Variants in TENM4 observed in about 807,000 individuals in gnomAD.
TENM4 encodes the protein teneurin transmembrane protein 4.
A neutral mutation model predicts 243.3 loss-of-function variants in TENM4; 82 were observed. That is an observed-to-expected ratio of 0.34 (90% confidence interval 0.28 to 0.40). The LOEUF (loss-of-function observed/expected upper bound fraction) is 0.40, where lower values mean the gene tolerates loss of function less well. TENM4 is among the 10% of genes least tolerant of loss of function. The pLI, the probability that TENM4 is intolerant of heterozygous loss-of-function variation, is 1.00. For synonymous variants in TENM4, 1,412 were observed against 1,456.3 expected (o/e 0.97, Z 0.69); for missense variants, 3,138 against 3,673.3 (o/e 0.85, Z 3.77).
At chr11:78,702,452 C>G in intron 27 of TENM4, 49 bp from the exon 28 acceptor site, 1 of 1,572,110 alleles carries the variant, frequency 6.4e-7, no homozygotes, top group Non-Finnish European at 8.6e-7. Flanking sequence ...ATGCCCACCA[C>G]TAATCCATCC....
chr11:78,846,199 G>A (rs1468805557), intron 12 of TENM4, among the ~76,000 whole-genome samples: 1 of 152,184 alleles, frequency 6.6e-6, no homozygotes, highest in Non-Finnish European at 1.5e-5. Flanking sequence ...TTAGATCTCT[G>A]AGCCTCATTT....
intron 3 of TENM4, among the ~76,000 whole-genome samples, chr11:79,161,401 C>T (rs1291804907): frequency 6.6e-6 from 1 of 152,140 alleles, no homozygotes; most frequent in African/African-American, 2.4e-5. Flanking sequence ...TATTTGGAAA[C>T]ATGGTTTTGC....
intron 15 of TENM4, among the ~76,000 whole-genome samples, chr11:78,787,791 C>A (rs1247500616): frequency 6.6e-6 from 1 of 152,188 alleles, no homozygotes; most frequent in African/African-American, 2.4e-5. Flanking sequence ...GGAGGGGGGC[C>A]CTTCATAGCC....
At chr11:79,034,753 C>A (rs1268116002) in intron 6 of TENM4, among the ~76,000 whole-genome samples, 2 of 152,102 alleles carry the variant, frequency 1.3e-5, no homozygotes, top group African/African-American at 2.4e-5. Context: ...GGCTGTGGGA[C>A]TGGCATACGT....
rs1434277380 is a variant in TENM4, at chr11:78,932,951, G to A, written c.494-29428C>T. On this transcript the variant is annotated intron_variant, in intron 6 of 33. Coordinates refer to ENST00000278550, the MANE Select transcript of TENM4 (RefSeq NM_001098816.3). Reference sequence around the variant, plus strand: ...CGGTCCGGTACAGGTTCGCGGCCCAGGGTTGGGGACTCTTGCTTTACAGAA... The same window carrying A: ...CGGTCCGGTACAGGTTCGCGGCCCAAGGTTGGGGACTCTTGCTTTACAGAA... 2.6e-5 allele frequency among the ~76,000 whole-genome samples: 4 copies of A among 152,292 alleles called. No homozygotes were observed. The East Asian group carries it at 5.8e-4, about 22-fold the overall frequency.
At chr11:78,755,826 C>T (rs576819374) in intron 19 of TENM4, among the ~76,000 whole-genome samples, 1 of 152,172 alleles carries the variant, frequency 6.6e-6, no homozygotes, top group Non-Finnish European at 1.5e-5. Flanking sequence ...CCCCATTGTT[C>T]CCTCAGGACA....
intron 4 of TENM4, among the ~76,000 whole-genome samples, chr11:79,146,099 G>C (rs1029682029): frequency 6.6e-6 from 1 of 152,000 alleles, no homozygotes; most frequent in African/African-American, 2.4e-5. Flanking sequence ...AGGTTACTCT[G>C]TTTTTACTTT....
At chr11:79,198,109 T>G (rs1489213640) in intron 3 of TENM4, among the ~76,000 whole-genome samples, 1 of 152,236 alleles carries the variant, frequency 6.6e-6, no homozygotes, top group Non-Finnish European at 1.5e-5. Context: ...ACTCAACAAA[T>G]AAATAGTAAC....
chr11:79,067,462 G>A (rs1485052309), intron 5 of TENM4, among the ~76,000 whole-genome samples: 2 of 152,168 alleles, frequency 1.3e-5, no homozygotes, highest in African/African-American at 2.4e-5. Context: ...AGCCACTCAC[G>A]TGTTATGAAG....
At chr11:78,828,003 C>G (rs1218203162) in intron 12 of TENM4, among the ~76,000 whole-genome samples, 1 of 152,170 alleles carries the variant, frequency 6.6e-6, no homozygotes, top group African/African-American at 2.4e-5. Flanking sequence ...CCAATTCTCC[C>G]TCTTATCTGT....
At chr11:79,027,140 G>A (rs1490787677) in intron 6 of TENM4, among the ~76,000 whole-genome samples, 2 of 152,198 alleles carry the variant, frequency 1.3e-5, no homozygotes, top group East Asian at 3.9e-4. Context: ...AGACTTAAAA[G>A]TTCTAAAAAG....
At chr11:79,274,161 G>A (rs1856014645) in intron 2 of TENM4, among the ~76,000 whole-genome samples, 1 of 152,242 alleles carries the variant, frequency 6.6e-6, no homozygotes, top group Non-Finnish European at 1.5e-5. Flanking sequence ...ACCCAAGCTT[G>A]TAGGTGCCTG....
At chr11:79,379,168 G>C (rs1857951512) in intron 1 of TENM4, among the ~76,000 whole-genome samples, 1 of 152,174 alleles carries the variant, frequency 6.6e-6, no homozygotes, top group Admixed American at 6.5e-5. Context: ...CATATGCAAG[G>C]CCAGGAGGAG....
chr11:79,170,829 A>G (rs1362191243), intron 3 of TENM4, among the ~76,000 whole-genome samples: 1 of 152,174 alleles, frequency 6.6e-6, no homozygotes, highest in East Asian at 1.9e-4. Flanking sequence ...GCAAACTAAT[A>G]CAGGAGTAGG....
chr11:79,053,779 T>A (rs1169701585), intron 6 of TENM4, among the ~76,000 whole-genome samples: 1 of 152,184 alleles, frequency 6.6e-6, no homozygotes, highest in Non-Finnish European at 1.5e-5. Context: ...CCTCCTGGGC[T>A]TCATGTATCA....
intron 2 of TENM4, among the ~76,000 whole-genome samples, chr11:79,220,084 C>T (rs759150452): frequency 6.6e-6 from 1 of 152,214 alleles, no homozygotes; most frequent in African/African-American, 2.4e-5. Context: ...CCTGCTGGGT[C>T]CCTGAAGAAT....
chr11:78,691,650 AT>A (rs1426188918), intron 28 of TENM4, among the ~76,000 whole-genome samples: 1 of 152,250 alleles, frequency 6.6e-6, no homozygotes, highest in East Asian at 1.9e-4. Context: ...CTTGTAAGGC[AT>A]AATTACATTG....
At chr11:79,024,211 C>T (rs1202954563) in intron 6 of TENM4, among the ~76,000 whole-genome samples, 2 of 152,174 alleles carry the variant, frequency 1.3e-5, no homozygotes, top group Non-Finnish European at 2.9e-5. Context: ...CTTAGAATGT[C>T]CACCTGCCTG....
At chr11:79,066,865 G>GCT (rs1384267897) in intron 5 of TENM4, among the ~76,000 whole-genome samples, 5 of 152,234 alleles carry the variant, frequency 3.3e-5, no homozygotes, top group Non-Finnish European at 7.3e-5. Flanking sequence ...TGAAATGCAA[G>GCT]CTGCTATGCT....
Sources: allele counts gnomAD v4.1 joint callset (sites outside exome capture counted in the v4.1 genomes callset), GRCh38; gene constraint gnomAD v4.1.1; transcripts MANE v1.5; gene names NCBI Gene and HGNC (gene_info 2026-07-23, HGNC 2026-07-21).